MSRB3: variants seen among roughly 807,000 people sequenced by gnomAD.
MSRB3 encodes the protein methionine sulfoxide reductase B3.
A neutral mutation model predicts 21.0 loss-of-function variants in MSRB3; 13 were observed. The observed-to-expected ratio is 0.62, with a 90% CI of 0.40 to 0.98. The LOEUF is 0.98. Ranked by LOEUF, MSRB3 falls within the 50% of genes least tolerant of loss-of-function variation. MSRB3 has a pLI of 0.00. For synonymous variants in MSRB3, 87 were observed against 88.6 expected (o/e 0.98, Z 0.10); for missense variants, 199 against 230.3 (o/e 0.86, Z 0.88).
chr12:65,365,974 G>C (rs1214590815), intron 4 of MSRB3, among the ~76,000 whole-genome samples: 1 of 152,004 alleles, frequency 6.6e-6, no homozygotes, highest in Non-Finnish European at 1.5e-5. Context: ...TCTTTTTTGG[G>C]GGAGGGGTGC....
intron 5 of MSRB3, among the ~76,000 whole-genome samples, chr12:65,399,219 T>C (rs1390018277): frequency 2.0e-5 from 3 of 152,212 alleles, no homozygotes; most frequent in Non-Finnish European, 4.4e-5. Flanking sequence ...TTCATGATAT[T>C]GATTCTTCCT....
At chr12:65,407,580 T>C (rs926810397) in intron 5 of MSRB3, among the ~76,000 whole-genome samples, 4 of 152,194 alleles carry the variant, frequency 2.6e-5, no homozygotes, top group Non-Finnish European at 4.4e-5. Context: ...CCTGGATATA[T>C]GGTTTGGTGT....
intron 5 of MSRB3, among the ~76,000 whole-genome samples, chr12:65,398,819 C>T (rs1401349908): frequency 6.6e-6 from 1 of 152,006 alleles, no homozygotes; most frequent in Admixed American, 6.6e-5. Flanking sequence ...TCAGTTTTCT[C>T]CATATGGCTA....
intron 5 of MSRB3, among the ~76,000 whole-genome samples, chr12:65,433,971 G>C (rs1399518407): frequency 1.3e-5 from 2 of 151,768 alleles, no homozygotes; most frequent in Non-Finnish European, 2.9e-5. Context: ...ATATTCTTTT[G>C]AAATCCTCAG....
chr12:65,408,105 G>A (rs1231140488), intron 5 of MSRB3, among the ~76,000 whole-genome samples: 1 of 151,440 alleles, frequency 6.6e-6, no homozygotes, highest in Non-Finnish European at 1.5e-5. Flanking sequence ...ATGGCTTTTT[G>A]TTTTTTTAAG....
intron 5 of MSRB3, among the ~76,000 whole-genome samples, chr12:65,417,248 AT>A (rs1881028756): frequency 6.6e-6 from 1 of 152,184 alleles, no homozygotes; most frequent in South Asian, 2.1e-4. Flanking sequence ...AAGGGAATTA[AT>A]GACATTAGCA....
At chr12:65,421,711 A>G (rs1391079199) in intron 5 of MSRB3, among the ~76,000 whole-genome samples, 1 of 152,224 alleles carries the variant, frequency 6.6e-6, no homozygotes, top group African/African-American at 2.4e-5. Context: ...GACCTGCCTT[A>G]TAAGAGATCC....
intron 5 of MSRB3, among the ~76,000 whole-genome samples, chr12:65,378,569 T>G (rs2136552999): frequency 6.6e-6 from 1 of 152,166 alleles, no homozygotes; most frequent in South Asian, 2.1e-4. Flanking sequence ...TACATACAGG[T>G]TTGTATATGG....
At chr12:65,381,148 A>G (rs1042708014) in intron 5 of MSRB3, among the ~76,000 whole-genome samples, 2 of 152,228 alleles carry the variant, frequency 1.3e-5, no homozygotes, top group African/African-American at 2.4e-5. Context: ...AAGAAATGAT[A>G]AGGAAGAGTT....
chr12:65,307,408 TTA>T (rs1873718655), intron 1 of MSRB3, among the ~76,000 whole-genome samples: 1 of 152,186 alleles, frequency 6.6e-6, no homozygotes, highest in Non-Finnish European at 1.5e-5. Context: ...TTACTGTTTA[TTA>T]TATGTTTGTT....
chr12:65,454,690 A>G (rs902790168), intron 6 of MSRB3, among the ~76,000 whole-genome samples: 1 of 152,216 alleles, frequency 6.6e-6, no homozygotes, highest in Non-Finnish European at 1.5e-5. Flanking sequence ...TTCTCCTGAT[A>G]TACAGACATC....
intron 5 of MSRB3, among the ~76,000 whole-genome samples, chr12:65,405,979 A>G (rs938306118): frequency 3.3e-5 from 5 of 152,014 alleles, no homozygotes; most frequent in African/African-American, 1.2e-4. Flanking sequence ...TTAACTTCTT[A>G]TCAGATATAA....
At chr12:65,410,260 A>G (rs1220715522) in intron 5 of MSRB3, among the ~76,000 whole-genome samples, 1 of 151,920 alleles carries the variant, frequency 6.6e-6, no homozygotes, top group Non-Finnish European at 1.5e-5. Context: ...TATCTGGTTG[A>G]TATGTTTTTA....
chr12:65,405,514 A>C (rs1277816690), intron 5 of MSRB3, among the ~76,000 whole-genome samples: 1 of 151,902 alleles, frequency 6.6e-6, no homozygotes, highest in East Asian at 1.9e-4. Context: ...ATTCCATTCC[A>C]TATCTTGGCT....
chr12:65,365,144 T>G (rs959142777), intron 4 of MSRB3, among the ~76,000 whole-genome samples: 22 of 152,104 alleles, frequency 1.4e-4, no homozygotes, highest in Admixed American at 1.0e-3. Context: ...TTTTTGGCCT[T>G]CTGTTAATAT....
intron 5 of MSRB3, among the ~76,000 whole-genome samples, chr12:65,412,826 C>G (rs941087589): frequency 3.9e-5 from 6 of 152,112 alleles, no homozygotes; most frequent in Non-Finnish European, 8.8e-5. Context: ...CCTCAGGAAC[C>G]TTCAATCATG....
At chr12:65,414,365 A>G (rs550518382) in intron 5 of MSRB3, among the ~76,000 whole-genome samples, 5 of 152,248 alleles carry the variant, frequency 3.3e-5, no homozygotes, top group African/African-American at 1.2e-4. Context: ...GCATCTCATA[A>G]TCACATTTCA....
At chr12:65,418,639 A>C in intron 5 of MSRB3, 1 of 606,812 alleles carries the variant, frequency 1.6e-6, no homozygotes, top group South Asian at 2.0e-5. Context: ...TTACATCTCT[A>C]ATCCATTTTG....
At chr12:65,361,618 A>G (rs1243072823) in intron 4 of MSRB3, among the ~76,000 whole-genome samples, 1 of 152,132 alleles carries the variant, frequency 6.6e-6, no homozygotes, top group Non-Finnish European at 1.5e-5. Context: ...AATGTTTTGT[A>G]ATGAATTTAG....
Sources: gnomAD v4.1 joint callset for allele counts (sites outside exome capture counted in the v4.1 genomes callset) on GRCh38, gnomAD v4.1.1 for gene constraint, MANE v1.5 for transcripts, NCBI Gene and HGNC (gene_info 2026-07-23, HGNC 2026-07-21) for gene names.